DRC8: variants seen among roughly 807,000 people sequenced by gnomAD.
DRC8 encodes dynein regulatory complex subunit 8, also known as dynein regulatory complex protein 8.
chr1:244,969,730 C>G, the DRC8 span: 1 of 195,960 alleles, frequency 5.1e-6, no homozygotes, highest in Admixed American at 6.2e-5. Flanking sequence ...CCTCTTGCGC[C>G]CGGCCCAGTT....
the DRC8 span, among the ~76,000 whole-genome samples, chr1:245,093,709 AAAAG>A: frequency 2.9e-4 from 43 of 145,862 alleles, no homozygotes; most frequent in African/African-American, 7.5e-4. Flanking sequence ...AAAAAAAAAA[AAAAG>A]AAAGAAAAAG....
At chr1:245,000,656 C>A in the DRC8 span, among the ~76,000 whole-genome samples, 1 of 151,984 alleles carries the variant, frequency 6.6e-6, no homozygotes, top group African/African-American at 2.4e-5. Context: ...TTGCAGGTGT[C>A]TATAGTCCCA....
chr1:245,081,313 C>A, the DRC8 span, among the ~76,000 whole-genome samples: 1 of 151,804 alleles, frequency 6.6e-6, no homozygotes, highest in South Asian at 2.1e-4. Flanking sequence ...AGGCGCCCAC[C>A]ACCATGCCTG....
At chr1:245,083,790 C>A in the DRC8 span, 1 of 1,461,350 alleles carries the variant, frequency 6.8e-7, no homozygotes, top group African/African-American at 1.4e-5. Flanking sequence ...ATCAGTCATT[C>A]TGGTGAAAGT....
chr1:245,072,819 G>A, the DRC8 span, among the ~76,000 whole-genome samples: 1 of 152,082 alleles, frequency 6.6e-6, no homozygotes, highest in African/African-American at 2.4e-5. Flanking sequence ...ACAAGCTCTG[G>A]TCATTTAAAA....
the DRC8 span, among the ~76,000 whole-genome samples, chr1:245,019,252 T>C: frequency 1.3e-5 from 2 of 152,142 alleles, no homozygotes; most frequent in African/African-American, 4.8e-5. Context: ...AGCATTAAAA[T>C]ATTGCTGCTG....
the DRC8 span, among the ~76,000 whole-genome samples, chr1:244,979,109 CTT>C: frequency 6.6e-6 from 1 of 151,716 alleles, no homozygotes; most frequent in African/African-American, 2.4e-5. Flanking sequence ...TTTTTTTCCT[CTT>C]TCATACTATA....
At chr1:245,025,689 A>G in the DRC8 span, among the ~76,000 whole-genome samples, 1 of 152,048 alleles carries the variant, frequency 6.6e-6, no homozygotes, top group African/African-American at 2.4e-5. Context: ...ATATGGTTTC[A>G]CTGTGTCCCC....
At chr1:245,118,825 G>C in the DRC8 span, among the ~76,000 whole-genome samples, 2 of 108,918 alleles carry the variant, frequency 1.8e-5, no homozygotes, top group African/African-American at 7.6e-5. Flanking sequence ...GAAAAGAAAA[G>C]AAAAGAAAAG....
At chr1:245,056,023 C>G in the DRC8 span, among the ~76,000 whole-genome samples, 2 of 152,168 alleles carry the variant, frequency 1.3e-5, no homozygotes, top group East Asian at 1.9e-4. Flanking sequence ...CCTGCCCCAG[C>G]CTTCCTAGTA....
At chr1:245,078,043 G>GA in the DRC8 span, among the ~76,000 whole-genome samples, 1 of 151,782 alleles carries the variant, frequency 6.6e-6, no homozygotes, top group African/African-American at 2.4e-5. Flanking sequence ...AAAAAAAACG[G>GA]AAAAAAGGAC....
At chr1:245,114,440 G>A in the DRC8 span, among the ~76,000 whole-genome samples, 1 of 151,526 alleles carries the variant, frequency 6.6e-6, no homozygotes, top group Non-Finnish European at 1.5e-5. Context: ...ACTCCAGCCT[G>A]GGCGACAGAG....
At chr1:245,051,845 A>C in the DRC8 span, among the ~76,000 whole-genome samples, 3 of 152,186 alleles carry the variant, frequency 2.0e-5, no homozygotes, top group African/African-American at 7.2e-5. Context: ...AAAAACTAAG[A>C]GGGAGATTTG....
At chr1:244,999,058 CAAAAAAA>C in the DRC8 span, among the ~76,000 whole-genome samples, 10 of 83,684 alleles carry the variant, frequency 1.2e-4, no homozygotes, top group African/African-American at 3.0e-4. Flanking sequence ...GATCCTGGGT[CAAAAAAA>C]AAAAAAAAAA....
At chr1:245,016,060 C>T in the DRC8 span, among the ~76,000 whole-genome samples, 6 of 144,044 alleles carry the variant, frequency 4.2e-5, no homozygotes, top group African/African-American at 1.6e-4. Flanking sequence ...CGGCTCACTG[C>T]AACCTCCGCC....
At chr1:245,094,309 T>C in the DRC8 span, among the ~76,000 whole-genome samples, 1 of 152,160 alleles carries the variant, frequency 6.6e-6, no homozygotes, top group Admixed American at 6.5e-5. Flanking sequence ...TGTTGGGATA[T>C]CTTCAATTCG....
At chr1:245,048,509 A>G in the DRC8 span, among the ~76,000 whole-genome samples, 1 of 151,766 alleles carries the variant, frequency 6.6e-6, no homozygotes, top group Non-Finnish European at 1.5e-5. Context: ...AAATGTGCTT[A>G]TCTTGTTTTT....
the DRC8 span, among the ~76,000 whole-genome samples, chr1:245,098,980 T>C: frequency 5.3e-5 from 8 of 152,178 alleles, no homozygotes; most frequent in Non-Finnish European, 7.4e-5. Context: ...ACGGGCAACA[T>C]GTGATCCTCA....
the DRC8 span, among the ~76,000 whole-genome samples, chr1:245,058,699 A>G: frequency 8.1e-3 from 1,241 of 152,330 alleles, 22 homozygotes; most frequent in African/African-American, 0.029. Flanking sequence ...TAGCATTTAT[A>G]CTTTTCTTAG....
Sources: gnomAD v4.1 joint callset for allele counts (sites outside exome capture counted in the v4.1 genomes callset) on GRCh38, gnomAD v4.1.1 for gene constraint, MANE v1.5 for transcripts, NCBI Gene and HGNC (gene_info 2026-07-23, HGNC 2026-07-21) for gene names.